The following ARHGAP25 variants were observed in gnomAD, a reference collection of about 807,000 sequenced individuals.
The protein encoded by ARHGAP25 is rho GTPase-activating protein 25.
Under a neutral mutation model 71.0 loss-of-function variants are expected in ARHGAP25, and 34 were observed. The ratio of observed to expected loss-of-function variants is 0.48; its 90% confidence interval spans 0.36 to 0.64. The LOEUF (loss-of-function observed/expected upper bound fraction) is 0.64. Ranked by LOEUF, ARHGAP25 falls within the 30% of genes least tolerant of loss-of-function variation. ARHGAP25 has a pLI of 0.00. For missense variants in ARHGAP25, 706 were observed against 805.1 expected (o/e 0.88, Z 1.49); for synonymous variants, 282 against 296.5 (o/e 0.95, Z 0.50).
intron 1 of ARHGAP25, among the ~76,000 whole-genome samples, chr2:68,754,639 A>C (rs1055773402): frequency 6.6e-6 from 1 of 152,222 alleles, no homozygotes; most frequent in African/African-American, 2.4e-5. Flanking sequence ...TATATATTTA[A>C]CTTTATAAGA....
At chr2:68,808,605 A>G (rs1680549726) in intron 5 of ARHGAP25, among the ~76,000 whole-genome samples, 1 of 152,204 alleles carries the variant, frequency 6.6e-6, no homozygotes, top group Non-Finnish European at 1.5e-5. Flanking sequence ...TCTTATTGGA[A>G]CAATAGCCCG....
At chr2:68,735,318 T>C (rs1675156253) in intron 1 of ARHGAP25, 58 bp downstream of exon 1, 1 of 1,531,504 alleles carries the variant, frequency 6.5e-7, no homozygotes, top group Non-Finnish European at 9.0e-7. Flanking sequence ...GAGCACCATT[T>C]GCATGTTGGT....
chr2:68,750,016 T>G (rs1676062022), intron 1 of ARHGAP25, among the ~76,000 whole-genome samples: 1 of 152,200 alleles, frequency 6.6e-6, no homozygotes, highest in Admixed American at 6.5e-5. Flanking sequence ...TTAAATTTTA[T>G]TTTTTAAAGA....
At chr2:68,757,685 A>G (rs951460718) in intron 1 of ARHGAP25, 1 of 152,160 alleles carries the variant, frequency 6.6e-6, no homozygotes, top group Non-Finnish European at 1.5e-5. Flanking sequence ...AAAGGACACT[A>G]AACAATAACT....
Position 68,826,427 on chromosome 2 carries a change from A to G in ARHGAP25, c.*233A>G, listed in dbSNP as rs1682142806. 1 of 624,276 alleles carries G rather than the reference A, an allele frequency of 1.6e-6. No individual in the cohort carries two copies. 38.7% of individuals were successfully genotyped at this position (624,276 alleles called of 1,614,324 possible). A position where few individuals can be genotyped will look rare whatever the true frequency, so the allele number is the denominator to read the frequency against. On this transcript the variant is annotated 3_prime_UTR_variant, in exon 11 of 11. Transcript: ENST00000409202. ...TCGCTGTATTCAAATGGATTGTTTT[A>G]TTCCATTCTGGTCTCAGGCATGACC... is the stretch of plus-strand genomic sequence containing the variant.
At chr2:68,770,913 G>A (rs1270793676) in intron 1 of ARHGAP25, among the ~76,000 whole-genome samples, 2 of 152,136 alleles carry the variant, frequency 1.3e-5, no homozygotes, top group African/African-American at 4.8e-5. Flanking sequence ...TCCACCCCAC[G>A]CTTTGTAATG....
rs565589986 is a variant in ARHGAP25 at position 68,817,858 on chromosome 2, C to T, written c.882-15C>T. On this transcript the variant is annotated splice_polypyrimidine_tract_variant and intron_variant, in intron 7 of 10. Transcript: ENST00000409202. ...CTTCCTGCTTTCTACCATGGGATTTCTTGGCTGTCTGTAGGTTCCTACATG... is the reference window on the plus strand; with the variant it reads ...CTTCCTGCTTTCTACCATGGGATTTTTTGGCTGTCTGTAGGTTCCTACATG... The T allele has an allele frequency of 9.9e-6, 16 of 1,613,382 alleles. No homozygotes were observed. The East Asian group carries it at 1.8e-4, about 18-fold the overall frequency.
rs2104355756 is a variant in ARHGAP25, at chr2:68,767,023, C to T, written c.62-8198C>T. ...ATGGGAAAATGAAATCTGCCCAATT[C>T]CGGAGTATTGAGGCAGGCATTTAGG... On this transcript the variant is annotated intron_variant, in intron 1 of 10. Transcript: ENST00000409202. This position sits in a 1 kb window ranked among gnomAD's most constrained non-coding sequence, Gnocchi z 4.6. 6.6e-6 allele frequency among the ~76,000 whole-genome samples: 1 copy of T among 152,234 alleles called. No individual in the cohort carries two copies. Among genetic ancestry groups the T allele is most frequent in the East Asian group, 1.9e-4 (1 of 5,182 alleles).
At chr2:68,786,648 T>A (rs1183000095) in intron 3 of ARHGAP25, among the ~76,000 whole-genome samples, 9 of 152,208 alleles carry the variant, frequency 5.9e-5, no homozygotes, top group Admixed American at 2.0e-4. Flanking sequence ...GCTGATGACC[T>A]AATGACAAGA....
chr2:68,783,023 G>A (rs760615375), intron 3 of ARHGAP25, among the ~76,000 whole-genome samples: 13 of 152,238 alleles, frequency 8.5e-5, no homozygotes, highest in African/African-American at 1.7e-4. Flanking sequence ...TGACCACAGC[G>A]GAGGAGGCCA....
chr2:68,803,354 A>C (rs932304073), intron 4 of ARHGAP25, among the ~76,000 whole-genome samples: 11 of 152,236 alleles, frequency 7.2e-5, no homozygotes, highest in African/African-American at 2.7e-4. Flanking sequence ...GAACATTAGG[A>C]GAGCACTAGA....
intron 4 of ARHGAP25, among the ~76,000 whole-genome samples, chr2:68,797,584 C>T (rs1343360593): frequency 6.6e-6 from 1 of 152,230 alleles, no homozygotes; most frequent in Non-Finnish European, 1.5e-5. Flanking sequence ...CCACTCCACA[C>T]TTGCTTCTCA....
intron 4 of ARHGAP25, among the ~76,000 whole-genome samples, chr2:68,792,894 A>T (rs965392335): frequency 1.3e-5 from 2 of 152,188 alleles, no homozygotes; most frequent in African/African-American, 4.8e-5. Context: ...TCCCACCAAC[A>T]GTGTATGTGT....
At chr2:68,761,928 T>A (rs900866829) in intron 1 of ARHGAP25, among the ~76,000 whole-genome samples, 4 of 152,218 alleles carry the variant, frequency 2.6e-5, no homozygotes, top group African/African-American at 7.2e-5. Flanking sequence ...GAGATATTTG[T>A]ACATCACGTT....
At chr2:68,822,194 C>T in intron 9 of ARHGAP25, 146 bp from the exon 10 acceptor site, 1 of 795,438 alleles carries the variant, frequency 1.3e-6, no homozygotes, top group Non-Finnish European at 2.0e-6. Context: ...AATGCTAATG[C>T]AGATAATCAA....
chr2:68,754,521 A>T (rs2104325193), intron 1 of ARHGAP25, among the ~76,000 whole-genome samples: 1 of 152,360 alleles, frequency 6.6e-6, no homozygotes, highest in South Asian at 2.1e-4. Context: ...ACTTTTAGAC[A>T]TTACGAATAA....
intron 1 of ARHGAP25, among the ~76,000 whole-genome samples, chr2:68,764,006 A>G (rs527353474): frequency 6.6e-6 from 1 of 152,280 alleles, no homozygotes; most frequent in South Asian, 2.1e-4. Flanking sequence ...TATTACCCCA[A>G]AAAGTTCTCT....
chr2:68,777,234 T>C (rs1677987055), intron 2 of ARHGAP25, among the ~76,000 whole-genome samples: 1 of 152,170 alleles, frequency 6.6e-6, no homozygotes, highest in African/African-American at 2.4e-5. Context: ...CCCAGATCAA[T>C]GAAAGGGGCA....
chr2:68,734,776 A>ACAC, upstream of ARHGAP25: 1 of 177,514 alleles, frequency 5.6e-6, no homozygotes, highest in Non-Finnish European at 1.2e-5. Context: ...TTAAAAAAGA[A>ACAC]ACACACACAC....
Sources: gnomAD v4.1 joint callset for allele counts (sites outside exome capture counted in the v4.1 genomes callset) on GRCh38, gnomAD v4.1.1 for gene constraint, Gnocchi (gnomAD v3.1) non-coding constraint, MANE v1.5 for transcripts, NCBI Gene and HGNC (gene_info 2026-07-23, HGNC 2026-07-21) for gene names.